FAM210B: variants seen among roughly 807,000 people sequenced by gnomAD.
FAM210B encodes the protein mitochondrial inner membrane scaffold 2.
A neutral mutation model predicts 14.9 loss-of-function variants in FAM210B; 11 were observed. That is an observed-to-expected ratio of 0.74 (90% CI 0.46 to 1.22). The LOEUF is 1.22. FAM210B is among the 50% of genes most tolerant of loss of function. The pLI is 0.00. For synonymous variants in FAM210B, 113 were observed against 110.2 expected, an observed-to-expected ratio of 1.03 and a Z score of -0.16; for missense variants, 229 against 250.1, an observed-to-expected ratio of 0.92 and a Z score of 0.57.
intron 2 of FAM210B, 29 bp downstream of exon 2, chr20:56,365,291 GT>G: frequency 6.3e-7 from 1 of 1,594,970 alleles, no homozygotes; most frequent in Non-Finnish European, 8.6e-7. Flanking sequence ...ATTAATATTT[GT>G]TTTTTACTGT....
chr20:56,365,651 G>A (rs1983619190), intron 2 of FAM210B, among the ~76,000 whole-genome samples: 2 of 152,114 alleles, frequency 1.3e-5, no homozygotes, highest in Admixed American at 1.3e-4. Flanking sequence ...GACTACAGTC[G>A]CATGCCACCA....
In FAM210B at chr20:56,368,463, C is replaced by G. The variant is rs1983700369; in HGVS notation, c.*2176C>G. On this transcript the variant is annotated 3_prime_UTR_variant, in exon 3 of 3. Transcript: ENST00000371384. ...AATAAAACAAATCATACCAAAAAGC[C>G]ACATTGCTCTCTCCTAAGCCCCAAC... 6.6e-6 allele frequency: 1 copy of G among 152,204 alleles called. No homozygotes were observed. The highest frequency in any genetic ancestry group is 2.4e-5 in the African/African-American group (1 of 41,444). The allele number at this position is 152,204 out of a possible 1,614,324, so 9.4% of individuals were successfully genotyped here. A position where few individuals can be genotyped will look rare whatever the true frequency, so the allele number is the denominator to read the frequency against.
chr20:56,364,887 G>C (rs759644368), intron 1 of FAM210B, among the ~76,000 whole-genome samples, 200 bp from the exon 2 acceptor site: 17 of 152,142 alleles, frequency 1.1e-4, no homozygotes, highest in Non-Finnish European at 2.2e-4. Context: ...CAGGGAGGTG[G>C]AGGTTGCAAT....
In FAM210B at chr20:56,366,938, G is replaced by A. The variant is rs1983648606; in HGVS notation, c.*651G>A. 1 of 152,314 alleles carries A rather than the reference G, an allele frequency of 6.6e-6. No homozygotes were observed. The highest frequency in any genetic ancestry group is 2.1e-4 in the South Asian group (1 of 4,832). The allele number at this position is 152,314 out of a possible 1,614,324, so 9.4% of individuals were successfully genotyped here. A position where few individuals can be genotyped will look rare whatever the true frequency, so the allele number is the denominator to read the frequency against. ...ATGGTTTTTCTGAAATTTCATTAAG[G>A]TAGGTCAGCGTCATTTGTCTCTGTT... On this transcript the variant is annotated 3_prime_UTR_variant, in exon 3 of 3. Coordinates refer to ENST00000371384, the MANE Select transcript of FAM210B (RefSeq NM_080821.3).
At chr20:56,360,425 G>C (rs1983510109) in intron 1 of FAM210B, 1 of 353,188 alleles carries the variant, frequency 2.8e-6, no homozygotes, top group African/African-American at 2.1e-5. Flanking sequence ...CATTGACCTT[G>C]TCCCCAGCTC....
Position 56,366,926 on chromosome 20 carries a change from A to C in FAM210B, c.*639A>C, listed in dbSNP as rs1487231265. On this transcript the variant is annotated 3_prime_UTR_variant, in exon 3 of 3. Coordinates refer to ENST00000371384, the MANE Select transcript of FAM210B (RefSeq NM_080821.3). Reference sequence around the variant, plus strand: ...GGCTGATTCCAGATGGTTTTTCTGAAATTTCATTAAGGTAGGTCAGCGTCA... The same window carrying C: ...GGCTGATTCCAGATGGTTTTTCTGACATTTCATTAAGGTAGGTCAGCGTCA... 1 of 152,290 alleles carries C rather than the reference A, an allele frequency of 6.6e-6. No homozygotes were observed. Among genetic ancestry groups the C allele is most frequent in the African/African-American group, 2.4e-5 (1 of 41,412 alleles). The allele number at this position is 152,290 out of a possible 1,614,324, so 9.4% of individuals were successfully genotyped here. A position where few individuals can be genotyped will look rare whatever the true frequency, so the allele number is the denominator to read the frequency against.
chr20:56,361,016 A>AG (rs1307054971), intron 1 of FAM210B, among the ~76,000 whole-genome samples: 1 of 152,240 alleles, frequency 6.6e-6, no homozygotes, highest in Non-Finnish European at 1.5e-5. Context: ...CTGCCTTGGC[A>AG]GGGGGTCTCT....
rs1182443180 is a variant in FAM210B, at chr20:56,359,146, C to T, written c.141C>T (p.Asp47=). Residue 47 remains aspartate (D), a synonymous_variant, in exon 1 of 3, where the codon GAC becomes GAT. Coordinates refer to ENST00000371384, the MANE Select transcript of FAM210B (RefSeq NM_080821.3). This position sits in a 1 kb window ranked among gnomAD's most constrained non-coding sequence, Gnocchi z 4.3. ...LALALLPPRL[D]ARLLRTARGD... is the part of the protein sequence containing the mutation. ...TGGCCCTGCTCCCGCCCAGGCTAGA[C>T]GCCCGGCTGCTCCGCACGGCGCGCG... is the stretch of plus-strand genomic sequence containing the variant. 4 of 1,259,676 alleles carry T rather than the reference C, an allele frequency of 3.2e-6. No individual in the cohort carries two copies. The highest frequency in any genetic ancestry group is 4.2e-5 in the Admixed American group (1 of 23,770). 78.0% of individuals were successfully genotyped at this position (1,259,676 alleles called of 1,614,324 possible).
rs1983685513 is a variant in FAM210B at position 56,368,131 on chromosome 20, G to A, written c.*1844G>A. The A allele has an allele frequency of 6.6e-6, 1 of 152,598 alleles. No homozygotes were observed. Among genetic ancestry groups the A allele is most frequent in the African/African-American group, 2.4e-5 (1 of 41,440 alleles). 9.5% of individuals were successfully genotyped at this position (152,598 alleles called of 1,614,324 possible). A position where few individuals can be genotyped will look rare whatever the true frequency, so the allele number is the denominator to read the frequency against. On this transcript the variant is annotated 3_prime_UTR_variant, in exon 3 of 3. Transcript: ENST00000371384. ...AAGGCAATTAGCCCATTGCCAAAAG[G>A]TTTTACTGTCTTAAAGCTGTCTTTC...
In FAM210B at chr20:56,366,570, C is replaced by T. The variant is rs935464109; in HGVS notation, c.*283C>T. ...TAACATCTCAAAACAAAATAGCCTA[C>T]AAATGTTCCTTGTGGGAGACTTTGG... is the stretch of plus-strand genomic sequence containing the variant. On this transcript the variant is annotated 3_prime_UTR_variant, in exon 3 of 3. Transcript: ENST00000371384. 1 of 317,184 alleles carries T rather than the reference C, an allele frequency of 3.2e-6. No individual in the cohort carries two copies. Among genetic ancestry groups the T allele is most frequent in the African/African-American group, 2.2e-5 (1 of 45,612 alleles). The allele number at this position is 317,184 out of a possible 1,614,324, so 19.6% of individuals were successfully genotyped here. A position where few individuals can be genotyped will look rare whatever the true frequency, so the allele number is the denominator to read the frequency against.
chr20:56,366,076 T>C lies in FAM210B; in HGVS notation c.368T>C (p.Val123Ala), dbSNP rs767907686. ...GIFYMVVSSG[V>A]DMPAILLKLG... ...CTTTGCTTCTTCCCCCCTAGTGGTG[T>C]GGACATGCCTGCAATCCTGCTGAAA... Residue 123 changes from valine (V) to alanine (A), a missense_variant, in exon 3 of 3, where the codon GTG becomes GCG. Transcript: ENST00000371384. 1.7e-5 allele frequency: 27 copies of C among 1,613,754 alleles called. No individual in the cohort carries two copies. Among genetic ancestry groups the C allele is most frequent in the Non-Finnish European group, 2.2e-5 (26 of 1,179,798 alleles).
In FAM210B at chr20:56,366,239, A is replaced by G. The variant is rs1222043426; in HGVS notation, c.531A>G (p.Arg177=). The change falls in exon 3 of 3, where the codon AGA becomes AGG. Residue 177 remains arginine (R), a synonymous_variant. Transcript: ENST00000371384. ...TAGTCTCTGTGCCCTTGATTGTCAG[A>G]TATTTTCGAAAAGTGGGATTTTTTA... ...ITLVSVPLIV[R]YFRKVGFFKP... is the part of the protein sequence containing the mutation. The G allele has an allele frequency of 6.2e-7, 1 of 1,614,198 alleles. No individual in the cohort carries two copies. The highest frequency in any genetic ancestry group is 8.5e-7 in the Non-Finnish European group (1 of 1,180,038).
At chr20:56,360,959 C>G (rs1052869692) in intron 1 of FAM210B, among the ~76,000 whole-genome samples, 4 of 152,174 alleles carry the variant, frequency 2.6e-5, no homozygotes, top group South Asian at 2.1e-4. Flanking sequence ...GCTGGGCTCT[C>G]CAAATTTGCC....
At chr20:56,365,011 G>T in intron 1 of FAM210B, 76 bp from the exon 2 acceptor site, 1 of 1,373,654 alleles carries the variant, frequency 7.3e-7, no homozygotes. Flanking sequence ...GTATAACATT[G>T]CATGCGTGTA....
In FAM210B at chr20:56,368,298, T is replaced by C. The variant is rs1183173600; in HGVS notation, c.*2011T>C. 9 of 151,398 alleles carry C rather than the reference T, an allele frequency of 5.9e-5. No homozygotes were observed. In the Admixed American group the frequency reaches 5.9e-4, roughly 10 times the overall value. 9.4% of individuals were successfully genotyped at this position (151,398 alleles called of 1,614,324 possible). On this transcript the variant is annotated 3_prime_UTR_variant, in exon 3 of 3. Transcript: ENST00000371384. Reference sequence around the variant, plus strand: ...GGCTCCTCACCACTTTCTATGCCAGTCTCCCATTTATGTCCCTAGTAATGC... The same window carrying C: ...GGCTCCTCACCACTTTCTATGCCAGCCTCCCATTTATGTCCCTAGTAATGC...
chr20:56,360,461 G>A (rs188611574), intron 1 of FAM210B: 51 of 280,962 alleles, frequency 1.8e-4, no homozygotes, highest in African/African-American at 1.1e-3. Flanking sequence ...AGCGGTGTGT[G>A]TGTATACAGT....
Position 56,366,150 on chromosome 20 carries a change from A to G in FAM210B, c.442A>G (p.Ser148Gly). The change falls in exon 3 of 3, where the codon AGT becomes GGT. Residue 148 changes from serine to glycine, a missense_variant. Transcript: ENST00000371384. ...ACAGTCAAAAATGGCAGCAGGCACAAGTACCTTCGTGGTGGCCTATGCAAT... is the reference window on the plus strand; with the variant it reads ...ACAGTCAAAAATGGCAGCAGGCACAGGTACCTTCGTGGTGGCCTATGCAAT... ...LVQSKMAAGTSTFVVAYAIHK... is the reference protein window; with the variant it reads ...LVQSKMAAGTGTFVVAYAIHK... 6 of 1,614,228 alleles carry G rather than the reference A, an allele frequency of 3.7e-6. No homozygotes were observed. Among genetic ancestry groups the G allele is most frequent in the South Asian group, 1.1e-5 (1 of 91,090 alleles).
intron 1 of FAM210B, 46 bp from the exon 2 acceptor site, chr20:56,365,041 C>T: frequency 1.3e-6 from 2 of 1,570,436 alleles, no homozygotes; most frequent in East Asian, 2.3e-5. Context: ...GTAATGACTG[C>T]CCGTGCCTGC....
Position 56,364,986 on chromosome 20 carries a change from A to T in FAM210B, c.187-101A>T, listed in dbSNP as rs1569023451. 4 of 1,148,714 alleles carry T rather than the reference A, an allele frequency of 3.5e-6. No individual in the cohort carries two copies. The African/African-American group carries it at 4.7e-5, about 14-fold the overall frequency. The allele number at this position is 1,148,714 out of a possible 1,614,324, so 71.2% of individuals were successfully genotyped here. The stretch of plus-strand genomic sequence containing the variant: ...AAAGGAAAGGGGTAACTGATCTCTC[A>T]TCCAGCAGGAAAGAGTATAACATTG... On this transcript the variant is annotated intron_variant, in intron 1 of 2. Transcript: ENST00000371384.
Sources: allele counts gnomAD v4.1 joint callset (sites outside exome capture counted in the v4.1 genomes callset), GRCh38; gene constraint gnomAD v4.1.1; non-coding constraint Gnocchi (gnomAD v3.1); transcripts MANE v1.5; gene names NCBI Gene and HGNC (gene_info 2026-07-23, HGNC 2026-07-21).